ANKS1B: variants seen among roughly 807,000 people sequenced by gnomAD.
ANKS1B encodes the protein ankyrin repeat and sterile alpha motif domain-containing protein 1B.
Under a neutral mutation model 148.3 loss-of-function variants are expected in ANKS1B, and 36 were observed. The ratio of observed to expected loss-of-function variants is 0.24; its 90% CI spans 0.19 to 0.32. The LOEUF (loss-of-function observed/expected upper bound fraction) is 0.32. ANKS1B is among the 10% of genes least tolerant of loss of function. The pLI is 1.00. For missense variants in ANKS1B, 1,157 were observed against 1,542.6 expected, an observed-to-expected ratio of 0.75 and a Z score of 4.19; for synonymous variants, 542 against 560.8, an observed-to-expected ratio of 0.97 and a Z score of 0.47.
intron 7 of ANKS1B, among the ~76,000 whole-genome samples, chr12:99,773,844 A>C (rs1008178378): frequency 3.3e-5 from 5 of 152,104 alleles, no homozygotes; most frequent in Non-Finnish European, 7.4e-5. Context: ...TCATGCCTGT[A>C]CCATACTGTT....
At chr12:99,763,206 C>T (rs2062320617) in intron 8 of ANKS1B, among the ~76,000 whole-genome samples, 1 of 152,086 alleles carries the variant, frequency 6.6e-6, no homozygotes, top group South Asian at 2.1e-4. Flanking sequence ...CTCATTGCAG[C>T]ACTTTTCACA....
intron 16 of ANKS1B, among the ~76,000 whole-genome samples, chr12:99,056,959 T>C (rs547879006): frequency 2.6e-5 from 4 of 152,248 alleles, no homozygotes; most frequent in African/African-American, 9.6e-5. Flanking sequence ...TCTCTTCCTC[T>C]TTTTTTCCAT....
At chr12:99,481,163 G>GT (rs1322081712) in intron 10 of ANKS1B, among the ~76,000 whole-genome samples, 1 of 151,490 alleles carries the variant, frequency 6.6e-6, no homozygotes, top group Non-Finnish European at 1.5e-5. Context: ...TGTGTAGTTT[G>GT]TTTTTTTATC....
At chr12:99,120,436 A>G (rs190860131) in intron 15 of ANKS1B, among the ~76,000 whole-genome samples, 1 of 152,336 alleles carries the variant, frequency 6.6e-6, no homozygotes, top group East Asian at 1.9e-4. Context: ...ACTTGAATCC[A>G]CCAATAATTA....
intron 11 of ANKS1B, among the ~76,000 whole-genome samples, chr12:99,401,993 G>A (rs2094417060): frequency 6.8e-6 from 1 of 146,256 alleles, no homozygotes; most frequent in South Asian, 2.1e-4. Flanking sequence ...TTCAGTAGTC[G>A]CAACACAGGT....
At chr12:99,975,856 C>A (rs1464820282) in intron 1 of ANKS1B, among the ~76,000 whole-genome samples, 1 of 152,098 alleles carries the variant, frequency 6.6e-6, no homozygotes, top group East Asian at 1.9e-4. Flanking sequence ...TGTGTATATA[C>A]CCAAAAGAAA....
chr12:98,791,279 A>T (rs2098847208), intron 22 of ANKS1B, among the ~76,000 whole-genome samples: 1 of 150,828 alleles, frequency 6.6e-6, no homozygotes, highest in Admixed American at 6.6e-5. Flanking sequence ...CAGGAGGCAG[A>T]GGTTGCAGTG....
chr12:99,693,046 A>C lies in ANKS1B; in HGVS notation c.1129-37836T>G, dbSNP rs190981989. Among the ~76,000 whole-genome samples, 577 of 152,322 alleles carry C rather than the reference A, an allele frequency of 3.8e-3. 17 individuals are homozygous for C. Among genetic ancestry groups the C allele is most frequent in the Admixed American group, 0.032 (490 of 15,292 alleles). ...AGGTTTTCTGTGCCTAATCCCTGGA[A>C]AATACAACTGACATATTTGAGGTAC... On this transcript the variant is annotated intron_variant, in intron 8 of 26. Coordinates refer to ENST00000683438, the MANE Select transcript of ANKS1B (RefSeq NM_001352186.2).
At chr12:99,511,695 A>G (rs950939828) in intron 9 of ANKS1B, among the ~76,000 whole-genome samples, 38 of 151,992 alleles carry the variant, frequency 2.5e-4, no homozygotes, top group African/African-American at 9.2e-4. Flanking sequence ...AAAAGCATGG[A>G]ACTGGTGACA....
intron 9 of ANKS1B, among the ~76,000 whole-genome samples, chr12:99,527,261 T>A (rs1030915823): frequency 3.3e-5 from 5 of 152,168 alleles, no homozygotes; most frequent in African/African-American, 1.2e-4. Context: ...TCTTAGCATT[T>A]TAACATATTT....
intron 11 of ANKS1B, among the ~76,000 whole-genome samples, chr12:99,416,832 A>T (rs915697773): frequency 2.6e-5 from 4 of 151,844 alleles, no homozygotes; most frequent in African/African-American, 9.7e-5. Flanking sequence ...CACAGAGCAA[A>T]AGTTTTTAAC....
chr12:99,081,111 GA>G (rs1388901691), intron 16 of ANKS1B, among the ~76,000 whole-genome samples: 1 of 152,100 alleles, frequency 6.6e-6, no homozygotes, highest in African/African-American at 2.4e-5. Context: ...TCGCATTGGT[GA>G]ATATTTCAGT....
chr12:99,120,265 C>T (rs968458123), intron 15 of ANKS1B, among the ~76,000 whole-genome samples: 1 of 152,116 alleles, frequency 6.6e-6, no homozygotes, highest in African/African-American at 2.4e-5. Context: ...GCAAACTCCA[C>T]GCAGACAGTG....
chr12:98,857,504 A>G (rs1209894757), intron 17 of ANKS1B, among the ~76,000 whole-genome samples: 1 of 148,568 alleles, frequency 6.7e-6, no homozygotes, highest in Non-Finnish European at 1.5e-5. Context: ...AAAAAGGGAC[A>G]CATGTTTCTC....
intron 1 of ANKS1B, among the ~76,000 whole-genome samples, chr12:99,964,389 C>CTT (rs1566097369): frequency 6.6e-6 from 1 of 152,208 alleles, no homozygotes; most frequent in Non-Finnish European, 1.5e-5. Context: ...TCTTCCACTC[C>CTT]CTATTCCTCT....
At chr12:98,867,507 AG>A (rs1329140993) in intron 17 of ANKS1B, among the ~76,000 whole-genome samples, 4 of 152,230 alleles carry the variant, frequency 2.6e-5, no homozygotes, top group Non-Finnish European at 4.4e-5. Context: ...AGCAGGAAAA[AG>A]GCAGCTGTCA....
intron 12 of ANKS1B, among the ~76,000 whole-genome samples, chr12:99,296,608 T>C (rs1454984565): frequency 1.3e-5 from 2 of 152,184 alleles, no homozygotes; most frequent in Non-Finnish European, 2.9e-5. Flanking sequence ...CATTGTTTTG[T>C]TGACTTAACA....
At chr12:99,373,612 C>A (rs1290379987) in intron 12 of ANKS1B, among the ~76,000 whole-genome samples, 1 of 152,040 alleles carries the variant, frequency 6.6e-6, no homozygotes, top group Non-Finnish European at 1.5e-5. Flanking sequence ...TTTAAAGAGA[C>A]TTTTTCATTA....
Position 99,440,603 on chromosome 12 carries a change from T to TCAAA in ANKS1B, c.1575+3066_1575+3069dup, listed in dbSNP as rs529578682. ...CTGAAAGAAACAAAGGTGAAAAAGA[T>TCAAA]CAAACACAGGATGCAGAACTAACAG... On this transcript the variant is annotated intron_variant, in intron 11 of 26. Coordinates refer to ENST00000683438, the MANE Select transcript of ANKS1B (RefSeq NM_001352186.2). Among the ~76,000 whole-genome samples the TCAAA allele has an allele frequency of 3.0e-4, 46 of 151,798 alleles. 1 individual carries two copies. Among genetic ancestry groups the TCAAA allele is most frequent in the Non-Finnish European group, 6.0e-4 (41 of 67,778 alleles).
Sources: gnomAD v4.1 joint callset for allele counts (sites outside exome capture counted in the v4.1 genomes callset) on GRCh38, gnomAD v4.1.1 for gene constraint, MANE v1.5 for transcripts, NCBI Gene and HGNC (gene_info 2026-07-23, HGNC 2026-07-21) for gene names.